CPO: variants seen among roughly 807,000 people sequenced by gnomAD.
CPO encodes metallocarboxypeptidase C.
A neutral mutation model predicts 41.2 loss-of-function variants in CPO; 43 were observed. That is an observed-to-expected ratio of 1.04 (90% CI 0.82 to 1.35). The LOEUF (loss-of-function observed/expected upper bound fraction) is 1.35. CPO is among the 40% of genes most tolerant of loss of function. The probability of loss-of-function intolerance (pLI) is 0.00; values close to 1 mark genes in which losing one functional copy is unlikely to be tolerated. For missense variants in CPO, 408 were observed against 451.7 expected (o/e 0.90, Z 0.88); for synonymous variants, 178 against 162.7 (o/e 1.09, Z -0.72).
chr2:206,960,996 A>C, intron 6 of CPO, 54 bp downstream of exon 6: 1 of 1,190,888 alleles, frequency 8.4e-7, no homozygotes, highest in South Asian at 1.2e-5. Context: ...AGAAGTAAGA[A>C]AAGAGGTGAA....
rs747132506 is a variant in CPO at position 206,960,894 on chromosome 2, A to C, written c.526A>C (p.Thr176Pro). 5 of 1,613,908 alleles carry C rather than the reference A, an allele frequency of 3.1e-6. 1 individual carries two copies. The South Asian group carries it at 5.5e-5, about 18-fold the overall frequency. ...RKSRSPHNNGTCFGTDLNRNF... is the reference protein window; with the variant it reads ...RKSRSPHNNGPCFGTDLNRNF... ...ATCCCGTTCACCCCATAATAATGGC[A>C]CATGTTTTGGGACGGATCTCAATCG... Residue 176 changes from threonine to proline, a missense_variant, in exon 6 of 9, where the codon ACA becomes CCA. Coordinates refer to ENST00000272852, the MANE Select transcript of CPO (RefSeq NM_173077.3).
rs1427766858 is a variant in CPO, at chr2:206,939,676, A to G, written c.68+9A>G. On this transcript the variant is annotated intron_variant, in intron 1 of 8. Coordinates refer to ENST00000272852, the MANE Select transcript of CPO (RefSeq NM_173077.3). ...GGGCTGGGATATGATAGGTGAGTGT[A>G]AAGTGGGAAGAGGAACTGATTATTA... The G allele has an allele frequency of 2.5e-6, 4 of 1,607,214 alleles. No homozygotes were observed. Among genetic ancestry groups the G allele is most frequent in the South Asian group, 1.1e-5 (1 of 90,870 alleles).
intron 1 of CPO, among the ~76,000 whole-genome samples, chr2:206,943,698 A>AGATAGATGATGGATAGAT (rs1693075070): frequency 1.6e-5 from 2 of 127,358 alleles, no homozygotes; most frequent in East Asian, 4.5e-4. Flanking sequence ...ATAGATAGAT[A>AGATAGATGATGGATAGAT]GATAGATAGA....
Position 206,969,348 on chromosome 2 carries a change from C to A in CPO, c.1037C>A (p.Ala346Glu), listed in dbSNP as rs144914072. Reference protein sequence around the residue: ...AVLSVLDDVYAKHWHSDSAGR... With the variant: ...AVLSVLDDVYEKHWHSDSAGR... ...CTGTCAGTCCTGGATGATGTGTATG[C>A]GAAACACTGGCACTCGGACAGTGCT... Residue 346 changes from alanine (A) to glutamate (E), a missense_variant, in exon 9 of 9, where the codon GCG becomes GAG. Physicochemically the swap from Ala to Glu is moderately radical, Grantham distance 107. Coordinates refer to ENST00000272852, the MANE Select transcript of CPO (RefSeq NM_173077.3). 1.2e-6 allele frequency: 2 copies of A among 1,613,930 alleles called. No individual in the cohort carries two copies. The highest frequency in any genetic ancestry group is 1.7e-6 in the Non-Finnish European group (2 of 1,179,964).
chr2:206,943,449 C>T (rs760412224), intron 1 of CPO, among the ~76,000 whole-genome samples: 1 of 151,976 alleles, frequency 6.6e-6, no homozygotes, highest in Non-Finnish European at 1.5e-5. Context: ...TTTTCAGTGA[C>T]TTTATAATAC....
intron 1 of CPO, 73 bp from the exon 2 acceptor site, chr2:206,949,544 T>G (rs1274917378): frequency 8.1e-6 from 9 of 1,114,208 alleles, no homozygotes; most frequent in Non-Finnish European, 1.2e-5. Flanking sequence ...TACTACCTTT[T>G]TCAACAACCC....
chr2:206,960,942 A>G lies in CPO; in HGVS notation c.574A>G (p.Ser192Gly). ...LNRNFNASWC[S>G]IGASRNCQDQ... ...TCGAAATTTCAATGCATCTTGGTGT[A>G]GTAAGTACATGCTTAGTAGATGAAT... The change falls in exon 6 of 9, where the codon AGT (serine) becomes GGT (glycine). Residue 192 changes from serine to glycine, a missense_variant and splice_region_variant. Transcript: ENST00000272852. The G allele has an allele frequency of 6.3e-7, 1 of 1,576,414 alleles. No individual in the cohort carries two copies. The highest frequency in any genetic ancestry group is 8.7e-7 in the Non-Finnish European group (1 of 1,145,480).
At chr2:206,962,087 G>A (rs1206897402) in intron 6 of CPO, among the ~76,000 whole-genome samples, 9 of 141,090 alleles carry the variant, frequency 6.4e-5, no homozygotes, top group Non-Finnish European at 1.4e-4. Context: ...GCGACAGAGC[G>A]AGACTCTGTC....
chr2:206,948,172 C>A (rs923213125), intron 1 of CPO, among the ~76,000 whole-genome samples: 3 of 152,130 alleles, frequency 2.0e-5, no homozygotes, highest in Non-Finnish European at 4.4e-5. Context: ...TGGAAGCAAC[C>A]AGGGTGTTCT....
intron 3 of CPO, among the ~76,000 whole-genome samples, chr2:206,957,720 T>C (rs1048387251): frequency 2.0e-5 from 3 of 152,154 alleles, no homozygotes; most frequent in African/African-American, 7.2e-5. Flanking sequence ...GAATCTTCCT[T>C]AGAGTGAGGC....
chr2:206,945,799 G>A (rs1009047154), intron 1 of CPO, among the ~76,000 whole-genome samples: 3 of 152,036 alleles, frequency 2.0e-5, no homozygotes, highest in Non-Finnish European at 4.4e-5. Context: ...AGCCAGGCAT[G>A]GTGGCACATG....
At chr2:206,962,207 C>A (rs1693493836) in intron 6 of CPO, among the ~76,000 whole-genome samples, 1 of 152,052 alleles carries the variant, frequency 6.6e-6, no homozygotes, top group South Asian at 2.1e-4. Flanking sequence ...CTAACGTTAT[C>A]CCTTTCTGCT....
At chr2:206,958,511 T>A in intron 4 of CPO, 106 bp downstream of exon 4, 1 of 623,702 alleles carries the variant, frequency 1.6e-6, no homozygotes, top group Non-Finnish European at 2.9e-6. Flanking sequence ...GTGATGCAAC[T>A]CTTTACTGTG....
intron 3 of CPO, among the ~76,000 whole-genome samples, chr2:206,957,881 A>C (rs982253848): frequency 6.6e-6 from 1 of 152,228 alleles, no homozygotes; most frequent in Admixed American, 6.5e-5. Flanking sequence ...TTCATTTTAA[A>C]GACCTATGAT....
rs936550104 is a variant in CPO at position 206,944,801 on chromosome 2, G to A, written c.69-4816G>A. On this transcript the variant is annotated intron_variant, in intron 1 of 8. Coordinates refer to ENST00000272852, the MANE Select transcript of CPO (RefSeq NM_173077.3). ...TGTCTGGAGAAATTGATTTCCATTCGAGTAGCTTAATGTGGTACATGATGC... is the reference window on the plus strand; with the variant it reads ...TGTCTGGAGAAATTGATTTCCATTCAAGTAGCTTAATGTGGTACATGATGC... 3.3e-5 allele frequency among the ~76,000 whole-genome samples: 5 copies of A among 151,870 alleles called. No individual in the cohort carries two copies. In the South Asian group the frequency reaches 6.2e-4, roughly 19 times the overall value.
chr2:206,945,186 A>G (rs1323981647), intron 1 of CPO, among the ~76,000 whole-genome samples: 1 of 152,204 alleles, frequency 6.6e-6, no homozygotes, highest in African/African-American at 2.4e-5. Context: ...AGAAGACACA[A>G]TACTATTTTG....
chr2:206,956,063 C>G (rs1468006712), intron 3 of CPO, among the ~76,000 whole-genome samples: 6 of 152,164 alleles, frequency 3.9e-5, no homozygotes, highest in African/African-American at 1.2e-4. Flanking sequence ...GATGTCAGCA[C>G]AGCCAGGGGG....
At chr2:206,964,730 T>C (rs1420556644) in intron 7 of CPO, among the ~76,000 whole-genome samples, 2 of 152,244 alleles carry the variant, frequency 1.3e-5, no homozygotes, top group African/African-American at 4.8e-5. Flanking sequence ...TGCTCCTTTT[T>C]CCCAGTTTCA....
At chr2:206,942,602 A>G (rs1693049570) in intron 1 of CPO, among the ~76,000 whole-genome samples, 1 of 152,146 alleles carries the variant, frequency 6.6e-6, no homozygotes, top group Non-Finnish European at 1.5e-5. Context: ...AGACTTTATT[A>G]ATAATGTACC....
Sources: allele counts gnomAD v4.1 joint callset (sites outside exome capture counted in the v4.1 genomes callset), GRCh38; gene constraint gnomAD v4.1.1; transcripts MANE v1.5; gene names NCBI Gene and HGNC (gene_info 2026-07-23, HGNC 2026-07-21).